ARFGEF1: variants seen among roughly 807,000 people sequenced by gnomAD.
ARFGEF1 encodes ARF guanine nucleotide exchange factor 1.
In ARFGEF1, 42 loss-of-function variants were observed where a neutral mutation model predicts 231.0. The observed-to-expected ratio is 0.18, with a 90% CI of 0.14 to 0.24. The LOEUF (loss-of-function observed/expected upper bound fraction) is 0.24, where lower values mean the gene tolerates loss of function less well. Among genes scored for constraint, ARFGEF1 ranks in the 10% least tolerant of loss-of-function variants. ARFGEF1 has a pLI of 1.00. For missense variants in ARFGEF1, 1,345 were observed against 2,192.0 expected (o/e 0.61, Z 7.72); for synonymous variants, 710 against 732.3 (o/e 0.97, Z 0.49).
chr8:67,326,347 A>C (rs991150508), intron 1 of ARFGEF1, among the ~76,000 whole-genome samples: 3 of 152,254 alleles, frequency 2.0e-5, no homozygotes, highest in African/African-American at 7.2e-5. Flanking sequence ...GAAAGGATGT[A>C]AACCGAAGTA....
intron 22 of ARFGEF1, among the ~76,000 whole-genome samples, chr8:67,236,362 AAAAATATATATATATATATAT>A (rs1297973594): frequency 0.016 from 668 of 41,758 alleles, 36 homozygotes; most frequent in Non-Finnish European, 0.02. Flanking sequence ...AAAAAAAAAA[AAAAATATATATATATATATAT>A]ATATATATAT....
chr8:67,189,394 TGTG>T (rs1312851139), intron 5 of ARFGEF1, among the ~76,000 whole-genome samples: 1 of 152,152 alleles, frequency 6.6e-6, no homozygotes, highest in African/African-American at 2.4e-5. Context: ...ATGGATAAAG[TGTG>T]GTACATCCAG....
intron 2 of ARFGEF1, 49 bp from the exon 3 acceptor site, chr8:67,301,429 T>G (rs745324043): frequency 6.5e-7 from 1 of 1,542,048 alleles, no homozygotes; most frequent in African/African-American, 1.4e-5. Context: ...TTTATAATAT[T>G]GATAATAAAC....
At chr8:67,334,242 C>A (rs1471924738) in intron 1 of ARFGEF1, among the ~76,000 whole-genome samples, 3 of 149,798 alleles carry the variant, frequency 2.0e-5, no homozygotes, top group Non-Finnish European at 4.4e-5. Flanking sequence ...TCAATCTCAT[C>A]CCCAAGATAT....
chr8:67,210,013 G>A (rs370488010), intron 34 of ARFGEF1, among the ~76,000 whole-genome samples: 2 of 151,842 alleles, frequency 1.3e-5, no homozygotes, highest in African/African-American at 4.8e-5. Flanking sequence ...AAATTAATTG[G>A]GTATGGTGGC....
chr8:67,273,303 TTCC>T, intron 9 of ARFGEF1, among the ~76,000 whole-genome samples: 1 of 151,386 alleles, frequency 6.6e-6, no homozygotes, highest in Non-Finnish European at 1.5e-5. Flanking sequence ...AAACACAATT[TTCC>T]TCCCATTGAA....
chr8:67,196,064 TTTC>T (rs2129576802), downstream of ARFGEF1: 1 of 154,622 alleles, frequency 6.5e-6, no homozygotes, highest in Non-Finnish European at 1.4e-5. Flanking sequence ...TTAATTATTA[TTTC>T]ATGTCATTTG....
At chr8:67,295,190 C>T (rs1563896406) in intron 5 of ARFGEF1, among the ~76,000 whole-genome samples, 2 of 152,092 alleles carry the variant, frequency 1.3e-5, no homozygotes, top group South Asian at 2.1e-4. Context: ...ATTAGGGAAA[C>T]GCCACAATAA....
chr8:67,297,715 TGC>T (rs1166814241), intron 4 of ARFGEF1, among the ~76,000 whole-genome samples: 7 of 152,204 alleles, frequency 4.6e-5, no homozygotes, highest in African/African-American at 1.7e-4. Flanking sequence ...TGTTGTACAA[TGC>T]TATGCAGGGT....
intron 29 of ARFGEF1, among the ~76,000 whole-genome samples, chr8:67,221,903 T>A (rs1587072282): frequency 6.6e-6 from 1 of 150,574 alleles, no homozygotes; most frequent in African/African-American, 2.4e-5. Context: ...AAGCTCCACC[T>A]CCCAGGTTCA....
chr8:67,298,406 C>A (rs1806332844), intron 4 of ARFGEF1, among the ~76,000 whole-genome samples: 1 of 152,114 alleles, frequency 6.6e-6, no homozygotes, highest in Non-Finnish European at 1.5e-5. Context: ...AAACTCAGAA[C>A]AGGGTTTTGC....
chr8:67,208,743 G>C (rs1838615036), intron 34 of ARFGEF1, among the ~76,000 whole-genome samples: 1 of 151,688 alleles, frequency 6.6e-6, no homozygotes, highest in Admixed American at 6.6e-5. Context: ...CTAACAAAAG[G>C]AAACAGAAAA....
intron 1 of ARFGEF1, among the ~76,000 whole-genome samples, chr8:67,341,962 A>G (rs1410550136): frequency 1.3e-5 from 2 of 151,506 alleles, no homozygotes; most frequent in African/African-American, 2.4e-5. Context: ...ACGATCTAGG[A>G]AAAAAAAACT....
At chr8:67,324,836 T>C (rs1266781502) in intron 1 of ARFGEF1, among the ~76,000 whole-genome samples, 1 of 151,638 alleles carries the variant, frequency 6.6e-6, no homozygotes, top group Non-Finnish European at 1.5e-5. Flanking sequence ...AATCCCATGG[T>C]AAAACTGGAG....
In ARFGEF1 at chr8:67,211,368, A is replaced by AAAAAAG. The variant is rs1176673836; in HGVS notation, c.4819+114_4819+115insCTTTTT. On this transcript the variant is annotated intron_variant, in intron 34 of 38. Coordinates refer to ENST00000262215, the MANE Select transcript of ARFGEF1 (RefSeq NM_006421.5). ...CTCAAAAAAAAAAAAAAAAAAAAGA[A>AAAAAAG]GTGATGACACAATCAATTATAGTAT... The AAAAAAG allele has an allele frequency of 5.2e-5, 31 of 597,116 alleles. No individual in the cohort carries two copies. In the African/African-American group the frequency reaches 6.3e-4, roughly 12 times the overall value. 37.0% of individuals were successfully genotyped at this position (597,116 alleles called of 1,614,324 possible).
At chr8:67,294,815 AAC>A (rs1014370594) in intron 5 of ARFGEF1, among the ~76,000 whole-genome samples, 3 of 152,196 alleles carry the variant, frequency 2.0e-5, no homozygotes, top group African/African-American at 4.8e-5. Flanking sequence ...TAGAAGCAAT[AAC>A]ACAGAGTGAC....
intron 1 of ARFGEF1, among the ~76,000 whole-genome samples, chr8:67,320,789 C>G (rs367611374): frequency 3.9e-5 from 6 of 152,078 alleles, no homozygotes; most frequent in African/African-American, 9.7e-5. Flanking sequence ...TGGTGAAACC[C>G]CGTCTCTACT....
At chr8:67,210,235 T>C (rs1838683284) in intron 34 of ARFGEF1, among the ~76,000 whole-genome samples, 1 of 150,422 alleles carries the variant, frequency 6.6e-6, no homozygotes, top group South Asian at 2.1e-4. Flanking sequence ...CCAAGCATGT[T>C]GGGAAGCTGA....
intron 1 of ARFGEF1, among the ~76,000 whole-genome samples, chr8:67,319,988 A>G (rs998317687): frequency 6.6e-6 from 1 of 152,080 alleles, no homozygotes; most frequent in Non-Finnish European, 1.5e-5. Context: ...TGGGAGGCCG[A>G]GGCGGGTGGA....
Sources: gnomAD v4.1 joint callset for allele counts (sites outside exome capture counted in the v4.1 genomes callset) on GRCh38, gnomAD v4.1.1 for gene constraint, MANE v1.5 for transcripts, NCBI Gene and HGNC (gene_info 2026-07-23, HGNC 2026-07-21) for gene names.